Variants in NEGR1 observed in about 807,000 individuals in gnomAD.
NEGR1 encodes the protein neuronal growth regulator 1.
A neutral mutation model predicts 40.9 loss-of-function variants in NEGR1; 10 were observed. That is an observed-to-expected ratio of 0.24 (90% CI 0.15 to 0.42). NEGR1 has a LOEUF of 0.42. Among genes scored for constraint, NEGR1 ranks in the 10% least tolerant of loss-of-function variants. NEGR1 has a pLI of 1.00. For missense variants in NEGR1, 352 were observed against 438.9 expected, an observed-to-expected ratio of 0.80 and a Z score of 1.77; for synonymous variants, 185 against 166.8, an observed-to-expected ratio of 1.11 and a Z score of -0.84.
At chr1:71,640,951 T>C (rs1421875985) in intron 4 of NEGR1, among the ~76,000 whole-genome samples, 1 of 152,042 alleles carries the variant, frequency 6.6e-6, no homozygotes, top group Non-Finnish European at 1.5e-5. Context: ...CTCCTTGCCA[T>C]TGGATAATTA....
intron 4 of NEGR1, among the ~76,000 whole-genome samples, chr1:71,643,290 C>A (rs1451588608): frequency 6.6e-6 from 1 of 151,940 alleles, no homozygotes; most frequent in Non-Finnish European, 1.5e-5. Context: ...CGTATTTGGG[C>A]AGGAGAGACC....
At chr1:71,844,350 T>C (rs1659334219) in intron 2 of NEGR1, among the ~76,000 whole-genome samples, 1 of 152,204 alleles carries the variant, frequency 6.6e-6, no homozygotes. Context: ...CTCCTGATCC[T>C]GACAACAGTG....
At chr1:71,906,492 A>AT (rs1045539629) in intron 2 of NEGR1, among the ~76,000 whole-genome samples, 2 of 150,916 alleles carry the variant, frequency 1.3e-5, no homozygotes, top group African/African-American at 2.4e-5. Flanking sequence ...AAAAAAAAAA[A>AT]GTTGAGATCT....
At chr1:71,971,362 C>A (rs2100319314) in intron 1 of NEGR1, among the ~76,000 whole-genome samples, 1 of 152,210 alleles carries the variant, frequency 6.6e-6, no homozygotes, top group Admixed American at 6.5e-5. Context: ...GAAATGAATT[C>A]ATTCATGTAG....
intron 5 of NEGR1, among the ~76,000 whole-genome samples, chr1:71,599,188 G>T (rs529005570): frequency 6.6e-6 from 1 of 152,240 alleles, no homozygotes; most frequent in South Asian, 2.1e-4. Context: ...TATGCCAAAT[G>T]CAGTAGGCAC....
At chr1:71,435,535 A>T (rs1356857974) in intron 6 of NEGR1, among the ~76,000 whole-genome samples, 1 of 152,210 alleles carries the variant, frequency 6.6e-6, no homozygotes, top group Non-Finnish European at 1.5e-5. Context: ...TATTCTGAAA[A>T]AAAAAAAGTC....
intron 4 of NEGR1, among the ~76,000 whole-genome samples, chr1:71,616,564 GCTGCAT>G (rs1479220883): frequency 6.6e-6 from 1 of 152,200 alleles, no homozygotes; most frequent in Admixed American, 6.5e-5. Context: ...CAACAATTAA[GCTGCAT>G]CTGGTGGCAG....
intron 3 of NEGR1, among the ~76,000 whole-genome samples, chr1:71,726,469 G>A (rs1373512218): frequency 6.6e-6 from 1 of 152,110 alleles, no homozygotes; most frequent in African/African-American, 2.4e-5. Flanking sequence ...AGATTCCGAA[G>A]TTAGGAGCTG....
intron 1 of NEGR1, among the ~76,000 whole-genome samples, chr1:72,032,900 A>G (rs968806387): frequency 3.3e-5 from 5 of 152,124 alleles, no homozygotes; most frequent in African/African-American, 4.8e-5. Flanking sequence ...TTATAGGCTT[A>G]TTACAAAGAT....
chr1:71,997,637 TTATAGTAC>T (rs1431717401), intron 1 of NEGR1, among the ~76,000 whole-genome samples: 1 of 152,006 alleles, frequency 6.6e-6, no homozygotes, highest in Non-Finnish European at 1.5e-5. Context: ...TGAGAATCTA[TTATAGTAC>T]CTTGTATAAC....
chr1:71,817,435 A>C (rs1351086821), intron 2 of NEGR1, among the ~76,000 whole-genome samples: 2 of 152,048 alleles, frequency 1.3e-5, no homozygotes, highest in Non-Finnish European at 2.9e-5. Flanking sequence ...TTTTTCTCTT[A>C]TCAGTCTTAT....
rs1288269521 is a variant in NEGR1, at chr1:71,398,914, T to G, written c.*8532A>C. 2 of 152,268 alleles carry G rather than the reference T, an allele frequency of 1.3e-5. No homozygotes were observed. The highest frequency in any genetic ancestry group is 2.9e-5 in the Non-Finnish European group (2 of 68,118). The allele number at this position is 152,268 out of a possible 1,614,324, so 9.4% of individuals were successfully genotyped here. Reference sequence around the variant, plus strand: ...TGATGGTTTTATAAGGGGGAGTTTATCTGCACAAGCTCTTTTCTCTTGTCT... The same window carrying G: ...TGATGGTTTTATAAGGGGGAGTTTAGCTGCACAAGCTCTTTTCTCTTGTCT... On this transcript the variant is annotated 3_prime_UTR_variant, in exon 7 of 7. Transcript: ENST00000357731.
intron 6 of NEGR1, among the ~76,000 whole-genome samples, chr1:71,494,523 C>T (rs1646949318): frequency 6.6e-6 from 1 of 152,146 alleles, no homozygotes; most frequent in Non-Finnish European, 1.5e-5. Flanking sequence ...TTGTATTCCC[C>T]TGTAATAACC....
At chr1:71,446,184 T>C (rs1646581731) in intron 6 of NEGR1, among the ~76,000 whole-genome samples, 1 of 152,210 alleles carries the variant, frequency 6.6e-6, no homozygotes, top group African/African-American at 2.4e-5. Context: ...CTAGTAGCCA[T>C]GTTGCCTCAT....
At chr1:72,154,104 T>A (rs1479612662) in intron 1 of NEGR1, among the ~76,000 whole-genome samples, 1 of 151,768 alleles carries the variant, frequency 6.6e-6, no homozygotes, top group Non-Finnish European at 1.5e-5. Context: ...CTGGATAGAT[T>A]TGGGCCTGAG....
intron 3 of NEGR1, among the ~76,000 whole-genome samples, chr1:71,726,309 GCT>G (rs2101658640): frequency 6.6e-6 from 1 of 152,138 alleles, no homozygotes; most frequent in South Asian, 2.1e-4. Context: ...TTCTGATTTT[GCT>G]CTGTGTATCG....
At chr1:71,435,736 C>G (rs909572052) in intron 6 of NEGR1, among the ~76,000 whole-genome samples, 1 of 152,126 alleles carries the variant, frequency 6.6e-6, no homozygotes, top group African/African-American at 2.4e-5. Flanking sequence ...TTTGACTGCA[C>G]AAAAAGAAGG....
At chr1:72,023,963 G>A (rs1315150272) in intron 1 of NEGR1, among the ~76,000 whole-genome samples, 1 of 152,062 alleles carries the variant, frequency 6.6e-6, no homozygotes, top group Non-Finnish European at 1.5e-5. Context: ...TACAACTGGA[G>A]TGTATATCTT....
intron 4 of NEGR1, among the ~76,000 whole-genome samples, chr1:71,674,399 C>T (rs1199596803): frequency 1.3e-5 from 2 of 152,122 alleles, no homozygotes; most frequent in Non-Finnish European, 2.9e-5. Context: ...TGCCCATGCA[C>T]GTATTATTGC....
Sources: allele counts gnomAD v4.1 joint callset (sites outside exome capture counted in the v4.1 genomes callset), GRCh38; gene constraint gnomAD v4.1.1; transcripts MANE v1.5; gene names NCBI Gene and HGNC (gene_info 2026-07-23, HGNC 2026-07-21).